The following LRRC4C variants were observed in gnomAD, a reference collection of about 807,000 sequenced individuals.
LRRC4C encodes the protein leucine-rich repeat-containing protein 4C.
A neutral mutation model predicts 33.6 loss-of-function variants in LRRC4C; 5 were observed. The observed-to-expected ratio is 0.15, with a 90% CI of 0.08 to 0.31. LRRC4C has a LOEUF of 0.31. Ranked by LOEUF, LRRC4C falls within the 10% of genes least tolerant of loss-of-function variation. LRRC4C has a pLI of 1.00. For synonymous variants in LRRC4C, 329 were observed against 302.0 expected, an observed-to-expected ratio of 1.09 and a Z score of -0.93; for missense variants, 560 against 796.7, an observed-to-expected ratio of 0.70 and a Z score of 3.58.
At chr11:41,195,969 G>A (rs1179340116) in intron 1 of LRRC4C, among the ~76,000 whole-genome samples, 4 of 152,006 alleles carry the variant, frequency 2.6e-5, no homozygotes, top group South Asian at 2.1e-4. Context: ...ATCCCTTCTC[G>A]AGAAAACAAC....
At chr11:40,459,706 T>C (rs1350550756) in intron 3 of LRRC4C, among the ~76,000 whole-genome samples, 1 of 152,112 alleles carries the variant, frequency 6.6e-6, no homozygotes, top group Non-Finnish European at 1.5e-5. Context: ...GGGTGATGAC[T>C]CACAAAGCTC....
intron 2 of LRRC4C, among the ~76,000 whole-genome samples, chr11:40,910,007 T>C (rs1169720072): frequency 1.3e-5 from 2 of 152,170 alleles, no homozygotes; most frequent in Non-Finnish European, 2.9e-5. Context: ...CCCTTTATAA[T>C]TCTATTTTAA....
At chr11:41,260,364 A>C (rs545071948) in intron 1 of LRRC4C, among the ~76,000 whole-genome samples, 15 of 152,180 alleles carry the variant, frequency 9.9e-5, no homozygotes, top group South Asian at 2.1e-4. Context: ...CAGAAAACCA[A>C]GGGTGGAATT....
intron 3 of LRRC4C, among the ~76,000 whole-genome samples, chr11:40,322,561 C>A (rs555375855): frequency 9.9e-5 from 15 of 152,214 alleles, no homozygotes; most frequent in African/African-American, 3.6e-4. Context: ...ATTCACATCT[C>A]TAGGCTTCAA....
At chr11:41,193,298 T>A (rs1946041192) in intron 1 of LRRC4C, among the ~76,000 whole-genome samples, 1 of 152,128 alleles carries the variant, frequency 6.6e-6, no homozygotes, top group Non-Finnish European at 1.5e-5. Context: ...ATCAGAGTCA[T>A]CTACTTGCTC....
At chr11:41,429,365 G>A (rs752227696) in intron 1 of LRRC4C, among the ~76,000 whole-genome samples, 16 of 152,108 alleles carry the variant, frequency 1.1e-4, no homozygotes, top group South Asian at 4.1e-4. Flanking sequence ...ATACAGGACT[G>A]ATGTCAAACA....
intron 1 of LRRC4C, among the ~76,000 whole-genome samples, chr11:41,102,372 T>C (rs1328601399): frequency 1.3e-5 from 2 of 152,118 alleles, no homozygotes; most frequent in East Asian, 3.8e-4. Context: ...TTTACACAGA[T>C]AAATAATTTT....
intron 2 of LRRC4C, among the ~76,000 whole-genome samples, chr11:40,791,359 C>T (rs1950615030): frequency 6.6e-6 from 1 of 152,122 alleles, no homozygotes; most frequent in Admixed American, 6.5e-5. Flanking sequence ...TTTCCCCCCA[C>T]TTGTTTGTAT....
chr11:40,274,650 C>T (rs1942966301), intron 4 of LRRC4C, among the ~76,000 whole-genome samples: 1 of 152,084 alleles, frequency 6.6e-6, no homozygotes, highest in Non-Finnish European at 1.5e-5. Flanking sequence ...TCGGCAAAGA[C>T]AGTCCTGTTA....
At chr11:41,245,371 G>A (rs1368592216) in intron 1 of LRRC4C, among the ~76,000 whole-genome samples, 3 of 152,176 alleles carry the variant, frequency 2.0e-5, no homozygotes, top group African/African-American at 4.8e-5. Context: ...CGAGGGGTGT[G>A]TAAGTGAGGG....
chr11:41,220,450 T>A (rs947303114), intron 1 of LRRC4C, among the ~76,000 whole-genome samples: 1 of 150,216 alleles, frequency 6.7e-6, no homozygotes. Context: ...GGCGGGGGGG[T>A]GTTATCCAAA....
At chr11:40,371,618 C>T (rs115222938) in intron 3 of LRRC4C, among the ~76,000 whole-genome samples, 4,728 of 152,188 alleles carry the variant, frequency 0.031, 230 homozygotes, top group African/African-American at 0.1. Flanking sequence ...GTTTAATTAA[C>T]TCTTATTGAG....
chr11:41,173,890 C>G (rs893190708), intron 1 of LRRC4C, among the ~76,000 whole-genome samples: 1 of 151,946 alleles, frequency 6.6e-6, no homozygotes, highest in Non-Finnish European at 1.5e-5. Context: ...TAAATATAAG[C>G]AAATAACAAG....
At chr11:41,156,181 A>C (rs1424714539) in intron 1 of LRRC4C, among the ~76,000 whole-genome samples, 2 of 152,104 alleles carry the variant, frequency 1.3e-5, no homozygotes, top group South Asian at 4.1e-4. Flanking sequence ...TGTCTGCCCC[A>C]GTGTTGCTGT....
chr11:40,999,928 G>A (rs963693417), intron 1 of LRRC4C, among the ~76,000 whole-genome samples: 2 of 152,008 alleles, frequency 1.3e-5, no homozygotes, highest in African/African-American at 2.4e-5. Context: ...CAAAGAGGAC[G>A]CTACATGCAG....
intron 5 of LRRC4C, among the ~76,000 whole-genome samples, chr11:40,158,159 A>G (rs1858860092): frequency 6.6e-6 from 1 of 152,214 alleles, no homozygotes; most frequent in African/African-American, 2.4e-5. Context: ...GAAGTAACTC[A>G]GGAATGTGAA....
chr11:40,943,523 T>G (rs976947342), intron 1 of LRRC4C, among the ~76,000 whole-genome samples: 4 of 152,144 alleles, frequency 2.6e-5, no homozygotes, highest in Admixed American at 2.0e-4. Context: ...TAAAGCAGAG[T>G]AAGGGATCAT....
chr11:40,142,111 T>C (rs1443777943), intron 5 of LRRC4C, among the ~76,000 whole-genome samples: 1 of 151,694 alleles, frequency 6.6e-6, no homozygotes, highest in African/African-American at 2.4e-5. Flanking sequence ...GGCGAAACCC[T>C]GTCTCCACTA....
intron 6 of LRRC4C, among the ~76,000 whole-genome samples, chr11:40,126,993 T>C (rs1181190820): frequency 1.3e-5 from 2 of 151,184 alleles, no homozygotes; most frequent in African/African-American, 4.9e-5. Context: ...AAGAAGAGAA[T>C]TTGGGGCCAG....
Sources: gnomAD v4.1 joint callset for allele counts (sites outside exome capture counted in the v4.1 genomes callset) on GRCh38, gnomAD v4.1.1 for gene constraint, MANE v1.5 for transcripts, NCBI Gene and HGNC (gene_info 2026-07-23, HGNC 2026-07-21) for gene names.